PDE10A: variants seen among roughly 807,000 people sequenced by gnomAD.
The protein encoded by PDE10A is phosphodiesterase 10A, also known as cAMP and cAMP-inhibited cGMP 3',5'-cyclic phosphodiesterase 10A.
PDE10A carries 39 observed loss-of-function variants against 97.7 expected under a neutral mutation model. The observed-to-expected ratio is 0.40, with a 90% CI of 0.31 to 0.52. The LOEUF is 0.52. Among genes scored for constraint, PDE10A ranks in the 20% least tolerant of loss-of-function variants. The pLI is 0.56. For synonymous variants in PDE10A, 371 were observed against 376.8 expected, an observed-to-expected ratio of 0.98 and a Z score of 0.18; for missense variants, 731 against 1,047.8, an observed-to-expected ratio of 0.70 and a Z score of 4.17.
intron 1 of PDE10A, among the ~76,000 whole-genome samples, chr6:165,750,832 T>C (rs979311535): frequency 1.3e-5 from 2 of 152,086 alleles, no homozygotes; most frequent in Non-Finnish European, 2.9e-5. Flanking sequence ...GTGAGGAGCA[T>C]GGAGAAACAG....
chr6:165,517,393 A>C (rs985804809), intron 2 of PDE10A, among the ~76,000 whole-genome samples: 1 of 152,190 alleles, frequency 6.6e-6, no homozygotes, highest in African/African-American at 2.4e-5. Context: ...TTCAACACAA[A>C]CACCAGTTAA....
chr6:165,911,827 G>T (rs1782465195), intron 1 of PDE10A, among the ~76,000 whole-genome samples: 1 of 152,140 alleles, frequency 6.6e-6, no homozygotes, highest in Non-Finnish European at 1.5e-5. Flanking sequence ...GCACCCAAAA[G>T]GCCTGGGAGA....
At chr6:165,664,492 G>T (rs934559338), upstream of PDE10A, among the ~76,000 whole-genome samples, 1 of 152,284 alleles carries the variant, frequency 6.6e-6, no homozygotes, top group Non-Finnish European at 1.5e-5. Flanking sequence ...TGAGTGTCGC[G>T]TGTAACGGGC....
At chr6:165,892,028 C>T (rs937441771) in intron 1 of PDE10A, among the ~76,000 whole-genome samples, 7 of 151,986 alleles carry the variant, frequency 4.6e-5, no homozygotes, top group African/African-American at 1.7e-4. Flanking sequence ...ACTCGATTCT[C>T]CCCCCACTGA....
intron 3 of PDE10A, among the ~76,000 whole-genome samples, chr6:165,477,387 T>C (rs1028048033): frequency 1.2e-4 from 18 of 152,208 alleles, no homozygotes; most frequent in African/African-American, 4.3e-4. Flanking sequence ...TCATTACCAC[T>C]GAGCACGGTG....
chr6:165,406,211 C>T (rs1787136773), intron 13 of PDE10A, among the ~76,000 whole-genome samples: 1 of 101,132 alleles, frequency 9.9e-6, no homozygotes, highest in Non-Finnish European at 2.1e-5. Context: ...TATTCAAATT[C>T]AAGATGAGGG....
chr6:165,585,255 G>C (rs1785839046), intron 1 of PDE10A, among the ~76,000 whole-genome samples: 1 of 152,164 alleles, frequency 6.6e-6, no homozygotes, highest in Non-Finnish European at 1.5e-5. Flanking sequence ...TTTATTTGGA[G>C]ATTAGTCATA....
intron 1 of PDE10A, among the ~76,000 whole-genome samples, chr6:165,966,183 T>C (rs955679926): frequency 6.6e-6 from 1 of 151,812 alleles, no homozygotes. Flanking sequence ...AGAGATGAAA[T>C]GTCTGCAGAA....
At chr6:165,788,814 A>T (rs1778569804) in intron 1 of PDE10A, among the ~76,000 whole-genome samples, 1 of 152,150 alleles carries the variant, frequency 6.6e-6, no homozygotes, top group African/African-American at 2.4e-5. Flanking sequence ...GTATGCAGCC[A>T]TTTTTGCAGG....
intron 1 of PDE10A, among the ~76,000 whole-genome samples, chr6:165,973,651 G>C (rs1291665299): frequency 6.6e-6 from 1 of 152,164 alleles, no homozygotes; most frequent in Non-Finnish European, 1.5e-5. Context: ...AGAGGCCCCA[G>C]GGAAGAGGCA....
intron 1 of PDE10A, among the ~76,000 whole-genome samples, chr6:165,839,917 C>CCTCTT (rs1780191897): frequency 3.5e-5 from 1 of 28,908 alleles, no homozygotes; most frequent in Non-Finnish European, 8.4e-5. Context: ...AACTCCATCC[C>CCTCTT]CAACCTCATC....
intron 1 of PDE10A, among the ~76,000 whole-genome samples, chr6:165,978,620 C>A (rs1308655117): frequency 2.0e-5 from 3 of 152,138 alleles, no homozygotes; most frequent in African/African-American, 7.2e-5. Flanking sequence ...GGCCTAGATG[C>A]TTCAAAAATG....
chr6:165,881,904 G>T (rs1460723987), intron 1 of PDE10A, among the ~76,000 whole-genome samples: 1 of 152,084 alleles, frequency 6.6e-6, no homozygotes, highest in Non-Finnish European at 1.5e-5. Flanking sequence ...AACATTGCCC[G>T]TGACATTATT....
At position 165,655,751 on chromosome 6, in the gene PDE10A, G is replaced by C. The variant is rs1789918839; in HGVS notation, c.865+6196C>G. ...TGCTCAAAACCTCCCCAAAGCCTCTGCTTTCATGCGGAGTAAACTGCAGTT... is the reference window on the plus strand; with the variant it reads ...TGCTCAAAACCTCCCCAAAGCCTCTCCTTTCATGCGGAGTAAACTGCAGTT... On this transcript the variant is annotated intron_variant, in intron 1 of 21. Transcript: ENST00000539869. The surrounding 1 kb of genome is among the most constrained non-coding windows in gnomAD (Gnocchi z 4.5). Among the ~76,000 whole-genome samples the C allele has an allele frequency of 6.6e-6, 1 of 152,094 alleles. No homozygotes were observed. Among genetic ancestry groups the C allele is most frequent in the Non-Finnish European group, 1.5e-5 (1 of 68,026 alleles).
intron 10 of PDE10A, among the ~76,000 whole-genome samples, chr6:165,427,562 T>C (rs1789252202): frequency 6.6e-6 from 1 of 152,098 alleles, no homozygotes; most frequent in East Asian, 1.9e-4. Flanking sequence ...TGTTCTAAAA[T>C]TGATTGATGA....
At chr6:165,449,072 A>C (rs1791082942) in intron 4 of PDE10A, 95 bp from the exon 5 acceptor site, 1 of 850,058 alleles carries the variant, frequency 1.2e-6, no homozygotes, top group Non-Finnish European at 2.0e-6. Flanking sequence ...TGAGTCTTTC[A>C]AATTGATTTG....
At chr6:165,664,573 ACCTTAGGGGCGCTGCCCTTGTTTCT>A (rs1467222778), upstream of PDE10A, among the ~76,000 whole-genome samples, 1 of 152,006 alleles carries the variant, frequency 6.6e-6, no homozygotes, top group Non-Finnish European at 1.5e-5. Flanking sequence ...TGTGACTCTT[ACCTTAGGGGCGCTGCCCTTGTTTCT>A]GAATTTTTTC....
chr6:165,925,512 T>C (rs1782906685), intron 1 of PDE10A, among the ~76,000 whole-genome samples: 1 of 152,244 alleles, frequency 6.6e-6, no homozygotes, highest in African/African-American at 2.4e-5. Context: ...AATGGGTGAA[T>C]GGCTAAACAA....
At chr6:165,525,961 C>T (rs1217928417) in intron 2 of PDE10A, among the ~76,000 whole-genome samples, 3 of 152,108 alleles carry the variant, frequency 2.0e-5, no homozygotes, top group African/African-American at 7.2e-5. Context: ...ATTATAAAAA[C>T]AGACAATTAT....
Sources: allele counts gnomAD v4.1 joint callset (sites outside exome capture counted in the v4.1 genomes callset), GRCh38; gene constraint gnomAD v4.1.1; non-coding constraint Gnocchi (gnomAD v3.1); transcripts MANE v1.5; gene names NCBI Gene and HGNC (gene_info 2026-07-23, HGNC 2026-07-21).